LRMDA: variants seen among roughly 807,000 people sequenced by gnomAD.
The protein encoded by LRMDA is leucine rich melanocyte differentiation associated, also known as leucine-rich melanocyte differentiation-associated protein.
Under a neutral mutation model 29.8 loss-of-function variants are expected in LRMDA, and 18 were observed. The ratio of observed to expected loss-of-function variants is 0.60; its 90% CI spans 0.42 to 0.90. The LOEUF (loss-of-function observed/expected upper bound fraction) is 0.90. LRMDA is among the 40% of genes least tolerant of loss of function. The probability of loss-of-function intolerance (pLI) is 0.00; values close to 1 mark genes in which losing one functional copy is unlikely to be tolerated. For missense variants in LRMDA, 273 were observed against 273.9 expected, an observed-to-expected ratio of 1.00 and a Z score of 0.02; for synonymous variants, 125 against 109.4, an observed-to-expected ratio of 1.14 and a Z score of -0.89.
intron 6 of LRMDA, among the ~76,000 whole-genome samples, chr10:76,378,964 C>A (rs1841556301): frequency 6.9e-6 from 1 of 144,436 alleles, no homozygotes; most frequent in Non-Finnish European, 1.5e-5. Context: ...TCAAACAATT[C>A]TTCTGCCTCA....
intron 2 of LRMDA, among the ~76,000 whole-genome samples, chr10:76,033,018 AT>A (rs1437007782): frequency 6.6e-6 from 1 of 152,130 alleles, no homozygotes; most frequent in Non-Finnish European, 1.5e-5. Flanking sequence ...CTACACACAT[AT>A]TTTTTCTCCT....
At chr10:76,111,318 A>G (rs1416479808) in intron 5 of LRMDA, among the ~76,000 whole-genome samples, 2 of 152,194 alleles carry the variant, frequency 1.3e-5, no homozygotes, top group East Asian at 1.9e-4. Flanking sequence ...TTTGCTCATC[A>G]TTGATATCCT....
At chr10:75,790,421 C>A (rs1843545811) in intron 2 of LRMDA, among the ~76,000 whole-genome samples, 2 of 152,184 alleles carry the variant, frequency 1.3e-5, no homozygotes, top group African/African-American at 4.8e-5. Context: ...GCCTGAATTG[C>A]AGATGTTGCT....
chr10:76,422,389 A>G (rs1842080167), intron 6 of LRMDA, among the ~76,000 whole-genome samples: 1 of 151,926 alleles, frequency 6.6e-6, no homozygotes, highest in African/African-American at 2.4e-5. Context: ...TCTCAGTGGG[A>G]GCATTGGTCT....
At chr10:76,215,476 G>A (rs763475565) in intron 5 of LRMDA, among the ~76,000 whole-genome samples, 7 of 152,078 alleles carry the variant, frequency 4.6e-5, no homozygotes, top group Non-Finnish European at 1.0e-4. Context: ...CAAATGGCAG[G>A]TGTTGGCACA....
intron 3 of LRMDA, among the ~76,000 whole-genome samples, chr10:76,040,700 G>A (rs1277527596): frequency 6.6e-6 from 1 of 152,164 alleles, no homozygotes; most frequent in Non-Finnish European, 1.5e-5. Flanking sequence ...CCCAAGTAAG[G>A]TTGACCACCT....
At chr10:76,035,719 T>C (rs1848230202) in intron 2 of LRMDA, among the ~76,000 whole-genome samples, 1 of 152,198 alleles carries the variant, frequency 6.6e-6, no homozygotes, top group South Asian at 2.1e-4. Flanking sequence ...AAATTTATCC[T>C]GCAGGCCGTA....
At chr10:75,632,857 C>T (rs766153025) in intron 2 of LRMDA, among the ~76,000 whole-genome samples, 1 of 143,068 alleles carries the variant, frequency 7.0e-6, no homozygotes, top group Non-Finnish European at 1.5e-5. Context: ...CCACGTCTGC[C>T]CCAAGATGTC....
chr10:76,183,178 A>G (rs1851085231), intron 5 of LRMDA, among the ~76,000 whole-genome samples: 1 of 152,198 alleles, frequency 6.6e-6, no homozygotes, highest in Admixed American at 6.5e-5. Context: ...TGTGCCTCAC[A>G]CTTACATCAG....
At chr10:76,094,051 G>A (rs1849275951) in intron 5 of LRMDA, among the ~76,000 whole-genome samples, 1 of 152,180 alleles carries the variant, frequency 6.6e-6, no homozygotes, top group African/African-American at 2.4e-5. Context: ...ACAGTAGGAA[G>A]GTAGTAAATA....
chr10:76,430,442 C>A (rs1027334532), intron 6 of LRMDA, among the ~76,000 whole-genome samples: 9 of 152,154 alleles, frequency 5.9e-5, no homozygotes, highest in Middle Eastern at 3.2e-3. Context: ...GATCTAACAG[C>A]CTTGAAGGAA....
At chr10:76,054,171 T>A (rs969348316) in intron 4 of LRMDA, among the ~76,000 whole-genome samples, 9 of 152,152 alleles carry the variant, frequency 5.9e-5, no homozygotes, top group Non-Finnish European at 1.2e-4. Flanking sequence ...AAAGAAGACA[T>A]CTCTATGGAG....
intron 2 of LRMDA, among the ~76,000 whole-genome samples, chr10:75,994,542 C>T (rs191363127): frequency 2.0e-4 from 30 of 152,232 alleles, no homozygotes; most frequent in East Asian, 3.9e-4. Flanking sequence ...CCTTAGGTGC[C>T]GGGAGCAGGA....
chr10:76,056,636 G>A lies in LRMDA; in HGVS notation c.399-2030G>A, dbSNP rs375249975. On this transcript the variant is annotated intron_variant, in intron 4 of 6. Transcript: ENST00000611255. ...GGGGCTGGTGTTTCAGTACTGCTCC[G>A]AGCATGTACACACTCAGCCAGATTG... Among the ~76,000 whole-genome samples, 437 of 152,314 alleles carry A rather than the reference G, an allele frequency of 2.9e-3. 2 individuals are homozygous for A. The highest frequency in any genetic ancestry group is 9.0e-3 in the African/African-American group (373 of 41,574).
At chr10:76,093,641 A>G (rs1017292489) in intron 5 of LRMDA, among the ~76,000 whole-genome samples, 1 of 151,582 alleles carries the variant, frequency 6.6e-6, no homozygotes, top group African/African-American at 2.4e-5. Flanking sequence ...TCTTGTCCCG[A>G]TTCCTTTACT....
intron 2 of LRMDA, among the ~76,000 whole-genome samples, chr10:75,751,813 G>T (rs528608712): frequency 6.6e-6 from 1 of 152,278 alleles, no homozygotes; most frequent in Admixed American, 6.5e-5. Context: ...CACTCACAGA[G>T]AGGTAGTACC....
chr10:75,484,859 A>G (rs1289646633), intron 2 of LRMDA, among the ~76,000 whole-genome samples: 4 of 152,230 alleles, frequency 2.6e-5, no homozygotes, highest in African/African-American at 4.8e-5. Flanking sequence ...AGCCTCTAGA[A>G]TTGTGAGAAA....
At chr10:76,373,707 T>C (rs1420578363) in intron 6 of LRMDA, among the ~76,000 whole-genome samples, 1 of 152,140 alleles carries the variant, frequency 6.6e-6, no homozygotes, top group Non-Finnish European at 1.5e-5. Context: ...GGATCATAAC[T>C]TCCCAGGCTA....
At chr10:76,180,885 C>G (rs1410974969) in intron 5 of LRMDA, among the ~76,000 whole-genome samples, 1 of 152,148 alleles carries the variant, frequency 6.6e-6, no homozygotes, top group Non-Finnish European at 1.5e-5. Flanking sequence ...CTAGAGTCTC[C>G]TGCTTCTGAG....
Sources: allele counts gnomAD v4.1 joint callset (sites outside exome capture counted in the v4.1 genomes callset), GRCh38; gene constraint gnomAD v4.1.1; transcripts MANE v1.5; gene names NCBI Gene and HGNC (gene_info 2026-07-23, HGNC 2026-07-21).